Variants in KCNIP3 observed in about 807,000 individuals in gnomAD.
KCNIP3 encodes the protein calsenilin.
Under a neutral mutation model 35.0 loss-of-function variants are expected in KCNIP3, and 28 were observed. The observed-to-expected ratio is 0.80, with a 90% CI of 0.59 to 1.10. The LOEUF (loss-of-function observed/expected upper bound fraction) is 1.10, where lower values mean the gene tolerates loss of function less well. Ranked by LOEUF, KCNIP3 falls within the 50% of genes least tolerant of loss-of-function variation. KCNIP3 has a pLI of 0.00. For missense variants in KCNIP3, 295 were observed against 338.4 expected (o/e 0.87, Z 1.01); for synonymous variants, 134 against 133.8 (o/e 1.00, Z -0.01).
chr2:95,301,799 G>A (rs945231348), intron 1 of KCNIP3, among the ~76,000 whole-genome samples: 1 of 152,160 alleles, frequency 6.6e-6, no homozygotes, highest in African/African-American at 2.4e-5. Context: ...CAGAGCAGGG[G>A]TGGACAGCCC....
chr2:95,334,224 A>AGAGG (rs1309807823), intron 2 of KCNIP3, among the ~76,000 whole-genome samples: 6 of 152,068 alleles, frequency 3.9e-5, no homozygotes, highest in Non-Finnish European at 8.8e-5. Context: ...TCCTGCATAC[A>AGAGG]CTCTGTGCAG....
At chr2:95,298,040 A>G (rs1677920831) in intron 1 of KCNIP3, among the ~76,000 whole-genome samples, 1 of 152,170 alleles carries the variant, frequency 6.6e-6, no homozygotes, top group Admixed American at 6.5e-5. Context: ...GGCTGTGGGG[A>G]GGTCAGAGAG....
At chr2:95,299,912 T>A (rs1307004730) in intron 1 of KCNIP3, among the ~76,000 whole-genome samples, 1 of 152,210 alleles carries the variant, frequency 6.6e-6, no homozygotes, top group Non-Finnish European at 1.5e-5. Context: ...TCTCCCGCAT[T>A]ATCTCCCTGG....
intron 2 of KCNIP3, among the ~76,000 whole-genome samples, chr2:95,315,267 G>C (rs1422282815): frequency 2.6e-5 from 4 of 152,134 alleles, no homozygotes; most frequent in Non-Finnish European, 5.9e-5. Context: ...TGGCTGGCTG[G>C]GCACTGAACT....
intron 1 of KCNIP3, among the ~76,000 whole-genome samples, chr2:95,304,584 A>G (rs1179523507): frequency 6.6e-6 from 1 of 152,128 alleles, no homozygotes; most frequent in African/African-American, 2.4e-5. Flanking sequence ...CCTGTTGAAT[A>G]ACAGGAGAAC....
chr2:95,372,566 G>A (rs1401052792), intron 2 of KCNIP3, among the ~76,000 whole-genome samples: 6 of 151,996 alleles, frequency 3.9e-5, no homozygotes, highest in East Asian at 1.9e-4. Context: ...GGCTGGCACC[G>A]CTTGCCTGAG....
Position 95,376,080 on chromosome 2 carries a change from A to C in KCNIP3, c.447+872A>C, listed in dbSNP as rs1437603662. 2.0e-5 allele frequency among the ~76,000 whole-genome samples: 3 copies of C among 152,200 alleles called. No individual in the cohort carries two copies. Among genetic ancestry groups the C allele is most frequent in the Non-Finnish European group, 4.4e-5 (3 of 68,028 alleles). On this transcript the variant is annotated intron_variant, in intron 5 of 8. Coordinates refer to ENST00000295225, the MANE Select transcript of KCNIP3 (RefSeq NM_013434.5). This position sits in a 1 kb window ranked among gnomAD's most constrained non-coding sequence, Gnocchi z 4.2. ...GACGCTCCCCGCCTGCCCTGTGACCACAGGACCCCTCGACTCTGAGCCACA... is the reference window on the plus strand; with the variant it reads ...GACGCTCCCCGCCTGCCCTGTGACCCCAGGACCCCTCGACTCTGAGCCACA...
At chr2:95,313,308 C>T (rs1358530028) in intron 2 of KCNIP3, 1 of 152,228 alleles carries the variant, frequency 6.6e-6, no homozygotes, top group Admixed American at 6.5e-5. Flanking sequence ...GTCCTGGAGA[C>T]AGTGGGCAAG....
intron 2 of KCNIP3, among the ~76,000 whole-genome samples, chr2:95,365,073 C>A (rs1679886468): frequency 6.6e-6 from 1 of 151,884 alleles, no homozygotes; most frequent in African/African-American, 2.4e-5. Flanking sequence ...GAGTGAGACC[C>A]TGTCTCAAAA....
At chr2:95,345,429 C>T (rs1424128525) in intron 2 of KCNIP3, among the ~76,000 whole-genome samples, 1 of 152,256 alleles carries the variant, frequency 6.6e-6, no homozygotes, top group Non-Finnish European at 1.5e-5. Context: ...CGCCGCGGCT[C>T]CCACCCCACC....
chr2:95,375,354 G>C (rs954423634), intron 5 of KCNIP3, 146 bp downstream of exon 5: 5 of 744,856 alleles, frequency 6.7e-6, no homozygotes, highest in Non-Finnish European at 1.1e-5. Context: ...ATGAGTGGAT[G>C]TGGCTGGCCC....
At chr2:95,375,269 A>G in intron 5 of KCNIP3, 61 bp downstream of exon 5, 1 of 1,465,832 alleles carries the variant, frequency 6.8e-7, no homozygotes, top group Non-Finnish European at 9.6e-7. Flanking sequence ...GTGAATCCTT[A>G]CCCTGGCGTC....
intron 2 of KCNIP3, among the ~76,000 whole-genome samples, chr2:95,349,860 G>A (rs552194503): frequency 1.3e-5 from 2 of 152,346 alleles, no homozygotes; most frequent in African/African-American, 2.4e-5. Flanking sequence ...CTGCTGGGAC[G>A]GCCCCGAGGG....
intron 2 of KCNIP3, among the ~76,000 whole-genome samples, chr2:95,337,237 A>G (rs1679082900): frequency 1.3e-5 from 2 of 152,100 alleles, no homozygotes. Context: ...GGGTCCATTC[A>G]GTGCGATTCT....
chr2:95,323,060 T>TAACG, intron 2 of KCNIP3, among the ~76,000 whole-genome samples: 1 of 152,160 alleles, frequency 6.6e-6, no homozygotes, highest in South Asian at 2.1e-4. Flanking sequence ...CCTCCCCCAT[T>TAACG]GCCTGCCTCC....
chr2:95,300,388 G>T (rs1210788687), intron 1 of KCNIP3, among the ~76,000 whole-genome samples: 1 of 152,206 alleles, frequency 6.6e-6, no homozygotes, highest in Non-Finnish European at 1.5e-5. Context: ...CTTAGCAGAG[G>T]GGCCTTAGAG....
chr2:95,374,951 C>T (rs1163828617), intron 4 of KCNIP3, 34 bp downstream of exon 4: 2 of 1,608,452 alleles, frequency 1.2e-6, no homozygotes, highest in Non-Finnish European at 1.7e-6. Context: ...TGCTGTGTCC[C>T]AGTGTGGAGG....
intron 5 of KCNIP3, among the ~76,000 whole-genome samples, chr2:95,379,167 G>C (rs372030489): frequency 6.6e-6 from 1 of 151,748 alleles, no homozygotes; most frequent in Non-Finnish European, 1.5e-5. Flanking sequence ...TGGGAGGATC[G>C]CTTGAGCCCA....
At chr2:95,344,547 T>C (rs912432909) in intron 2 of KCNIP3, among the ~76,000 whole-genome samples, 1 of 152,230 alleles carries the variant, frequency 6.6e-6, no homozygotes, top group African/African-American at 2.4e-5. Flanking sequence ...TCAGGGTTTA[T>C]AGGCAGTCAT....
Sources: allele counts gnomAD v4.1 joint callset (sites outside exome capture counted in the v4.1 genomes callset), GRCh38; gene constraint gnomAD v4.1.1; non-coding constraint Gnocchi (gnomAD v3.1); transcripts MANE v1.5; gene names NCBI Gene and HGNC (gene_info 2026-07-23, HGNC 2026-07-21).